PRKAR2A: variants seen among roughly 807,000 people sequenced by gnomAD.
PRKAR2A encodes the protein cAMP-dependent protein kinase type II-alpha regulatory subunit.
In PRKAR2A, 29 loss-of-function variants were observed where a neutral mutation model predicts 51.9. The observed-to-expected ratio is 0.56, with a 90% CI of 0.42 to 0.76. The LOEUF (loss-of-function observed/expected upper bound fraction) is 0.76. PRKAR2A is among the 30% of genes least tolerant of loss of function. The probability of loss-of-function intolerance (pLI) is 0.00; values close to 1 mark genes in which losing one functional copy is unlikely to be tolerated. For missense variants in PRKAR2A, 445 were observed against 512.1 expected, an observed-to-expected ratio of 0.87 and a Z score of 1.26; for synonymous variants, 178 against 186.2, an observed-to-expected ratio of 0.96 and a Z score of 0.36.
rs2081917356 is a variant in PRKAR2A at position 48,764,965 on chromosome 3, T to A, written c.873+39A>T. 4.5e-6 allele frequency: 7 copies of A among 1,571,606 alleles called. No homozygotes were observed. In the East Asian group the frequency reaches 1.6e-4, roughly 35 times the overall value. ...AAATGATGTACTAGTTCTTCAGGGG[T>A]GACTTCCAGGAAAGGAGCTGCGTAA... On this transcript the variant is annotated intron_variant, in intron 8 of 10. Coordinates refer to ENST00000265563, the MANE Select transcript of PRKAR2A (RefSeq NM_004157.4).
intron 2 of PRKAR2A, among the ~76,000 whole-genome samples, chr3:48,795,038 G>A (rs991003149): frequency 6.6e-6 from 1 of 151,226 alleles, no homozygotes; most frequent in African/African-American, 2.4e-5. Flanking sequence ...GTGCAATGAC[G>A]TGATCTCTGC....
chr3:48,800,356 T>C (rs2082567900), intron 2 of PRKAR2A, among the ~76,000 whole-genome samples: 1 of 150,782 alleles, frequency 6.6e-6, no homozygotes, highest in Admixed American at 6.6e-5. Flanking sequence ...CTACTAAAAA[T>C]ACAAAAATTA....
chr3:48,804,573 T>C (rs1269494306), intron 2 of PRKAR2A, among the ~76,000 whole-genome samples: 1 of 152,104 alleles, frequency 6.6e-6, no homozygotes, highest in Non-Finnish European at 1.5e-5. Flanking sequence ...AAGTGGGGAA[T>C]AGCAAAAAGA....
At position 48,807,648 on chromosome 3, in the gene PRKAR2A, C is replaced by T. The variant is rs1432350593; in HGVS notation, c.298+1G>A. 2 of 1,590,872 alleles carry T rather than the reference C, an allele frequency of 1.3e-6. No homozygotes were observed. Among genetic ancestry groups the T allele is most frequent in the South Asian group, 1.1e-5 (1 of 90,302 alleles). On this transcript the variant is annotated splice_donor_variant, in intron 2 of 10. Transcript: ENST00000265563. LOFTEE classifies it high-confidence loss of function. ...AGTATGTTATGAAATAGAACACATA[C>T]CTGATACTCGTCTATTAAATCTGCT...
At chr3:48,767,696 G>A (rs927435771) in intron 6 of PRKAR2A, among the ~76,000 whole-genome samples, 1 of 151,938 alleles carries the variant, frequency 6.6e-6, no homozygotes, top group Non-Finnish European at 1.5e-5. Flanking sequence ...AGGCTGAGGC[G>A]GGTGGATCAC....
At chr3:48,829,797 GTATATATACATATATATGTATGTA>G (rs2083149549) in intron 1 of PRKAR2A, among the ~76,000 whole-genome samples, 1 of 121,016 alleles carries the variant, frequency 8.3e-6, no homozygotes, top group African/African-American at 3.0e-5. Flanking sequence ...AAATATATGC[GTATATATACATATATATGTATGTA>G]TATACATACA....
chr3:48,806,294 C>T (rs1177042049), intron 2 of PRKAR2A, among the ~76,000 whole-genome samples: 2 of 152,096 alleles, frequency 1.3e-5, no homozygotes, highest in African/African-American at 4.8e-5. Context: ...AGAAACCTTC[C>T]TAAAACAAGG....
intron 5 of PRKAR2A, among the ~76,000 whole-genome samples, chr3:48,777,438 C>T (rs973910534): frequency 6.6e-6 from 1 of 152,164 alleles, no homozygotes; most frequent in Non-Finnish European, 1.5e-5. Flanking sequence ...TGGAGTCTCG[C>T]CCTGTTGCCC....
At position 48,760,166 on chromosome 3, in the gene PRKAR2A, CA is replaced by C. The variant is rs142190280; in HGVS notation, c.874-3723del. On this transcript the variant is annotated intron_variant, in intron 8 of 10. Transcript: ENST00000265563. ...GTCAGAAGCTTGAGACCAGCATGGC[CA>C]ACAGGCAAAAACCCTGTTCTCTACT... Among the ~76,000 whole-genome samples, 1,370 of 152,144 alleles carry C rather than the reference CA, an allele frequency of 9.0e-3. 16 individuals carry two copies. The highest frequency in any genetic ancestry group is 0.012 in the Non-Finnish European group (791 of 67,998).
At chr3:48,756,674 A>G (rs2081773512) in intron 8 of PRKAR2A, among the ~76,000 whole-genome samples, 1 of 152,160 alleles carries the variant, frequency 6.6e-6, no homozygotes, top group African/African-American at 2.4e-5. Flanking sequence ...AGGACGTCTG[A>G]GTCAGGCATG....
At chr3:48,764,619 A>G (rs950562090) in intron 8 of PRKAR2A, among the ~76,000 whole-genome samples, 5 of 152,054 alleles carry the variant, frequency 3.3e-5, no homozygotes, top group Admixed American at 6.6e-5. Flanking sequence ...GTGGGAGAAC[A>G]TAGAAGGTTT....
intron 10 of PRKAR2A, 138 bp downstream of exon 10, chr3:48,752,038 A>G: frequency 1.0e-6 from 1 of 968,654 alleles, no homozygotes; most frequent in South Asian, 1.7e-5. Context: ...GCATCCATTC[A>G]TCCATCTCTG....
chr3:48,767,522 G>T (rs574020288), intron 6 of PRKAR2A, among the ~76,000 whole-genome samples: 1 of 151,968 alleles, frequency 6.6e-6, no homozygotes, highest in East Asian at 1.9e-4. Context: ...GTGTGTGGTG[G>T]TTCATGCCTG....
intron 1 of PRKAR2A, among the ~76,000 whole-genome samples, chr3:48,815,171 C>T (rs1392702780): frequency 6.6e-6 from 1 of 152,048 alleles, no homozygotes; most frequent in African/African-American, 2.4e-5. Flanking sequence ...GCCTCGGCCT[C>T]CCAAAGTGCT....
intron 1 of PRKAR2A, among the ~76,000 whole-genome samples, chr3:48,836,419 T>TAAAAAAAAAAAAAAAAAAAAA: frequency 4.5e-4 from 25 of 56,096 alleles, no homozygotes; most frequent in African/African-American, 6.3e-4. Flanking sequence ...AGACTCCGTC[T>TAAAAAAAAAAAAAAAAAAAAA]AAAAAAAAAA....
intron 2 of PRKAR2A, among the ~76,000 whole-genome samples, chr3:48,797,114 C>T (rs1410720517): frequency 1.3e-5 from 2 of 152,030 alleles, no homozygotes; most frequent in Non-Finnish European, 2.9e-5. Flanking sequence ...CATGTATCTA[C>T]AACTACGGGA....
In PRKAR2A at chr3:48,749,223, G is replaced by A. The variant is rs748738263; in HGVS notation, c.*2362C>T. On this transcript the variant is annotated 3_prime_UTR_variant, in exon 11 of 11. Transcript: ENST00000265563. The stretch of plus-strand genomic sequence containing the variant: ...TTACAACATTCAAATTTATCTTTAC[G>A]GAAATTTCACACTGCTCCTAGGAGC... 8.5e-5 allele frequency: 13 copies of A among 152,142 alleles called. 1 individual carries two copies. Among genetic ancestry groups the A allele is most frequent in the Admixed American group, 4.6e-4 (7 of 15,288 alleles). 9.4% of individuals were successfully genotyped at this position (152,142 alleles called of 1,614,324 possible).
intron 1 of PRKAR2A, among the ~76,000 whole-genome samples, chr3:48,817,113 G>A (rs977179239): frequency 3.3e-5 from 5 of 151,052 alleles, no homozygotes; most frequent in Admixed American, 1.3e-4. Context: ...TGGATCACGA[G>A]ATCAAGAGAT....
chr3:48,753,220 C>A (rs188927005), intron 9 of PRKAR2A, among the ~76,000 whole-genome samples: 19 of 151,444 alleles, frequency 1.3e-4, no homozygotes, highest in South Asian at 8.4e-4. Context: ...GGCACTCCCC[C>A]CTCCCATTTT....
Sources: allele counts gnomAD v4.1 joint callset (sites outside exome capture counted in the v4.1 genomes callset), GRCh38; gene constraint gnomAD v4.1.1; transcripts MANE v1.5; gene names NCBI Gene and HGNC (gene_info 2026-07-23, HGNC 2026-07-21).